SPINK4: variants seen among roughly 807,000 people sequenced by gnomAD.
SPINK4 encodes the protein serine protease inhibitor Kazal-type 4.
A neutral mutation model predicts 12.3 loss-of-function variants in SPINK4; 10 were observed. The observed-to-expected ratio is 0.81, with a 90% CI of 0.50 to 1.37. The LOEUF (loss-of-function observed/expected upper bound fraction) is 1.37. SPINK4 is among the 40% of genes most tolerant of loss of function. The probability of loss-of-function intolerance (pLI) is 0.00; values close to 1 mark genes in which losing one functional copy is unlikely to be tolerated. For missense variants in SPINK4, 91 were observed against 109.0 expected (o/e 0.84, Z 0.73); for synonymous variants, 37 against 40.2 (o/e 0.92, Z 0.30).
intron 1 of SPINK4, among the ~76,000 whole-genome samples, chr9:33,240,857 T>A (rs1243061437): frequency 6.6e-6 from 1 of 152,084 alleles, no homozygotes; most frequent in Non-Finnish European, 1.5e-5. Flanking sequence ...TTAAGACAGA[T>A]TAGTGACCCA....
intron 2 of SPINK4, among the ~76,000 whole-genome samples, chr9:33,245,582 C>T (rs372467937): frequency 6.6e-6 from 1 of 152,188 alleles, no homozygotes; most frequent in Admixed American, 6.5e-5. Context: ...TGTCTAAACA[C>T]CAAGTTGTCC....
chr9:33,240,308 T>C, intron 1 of SPINK4, 39 bp downstream of exon 1: 1 of 1,561,022 alleles, frequency 6.4e-7, no homozygotes, highest in Non-Finnish European at 8.7e-7. Flanking sequence ...GGCTTTGTGT[T>C]GGTAGGTGAG....
chr9:33,240,383 T>C (rs980007755), intron 1 of SPINK4, 114 bp downstream of exon 1: 2 of 919,576 alleles, frequency 2.2e-6, no homozygotes, highest in Non-Finnish European at 3.2e-6. Flanking sequence ...TCCATGTACC[T>C]TCATTCTGCA....
intron 1 of SPINK4, among the ~76,000 whole-genome samples, chr9:33,243,094 G>A (rs830569): frequency 6.6e-6 from 1 of 151,512 alleles, no homozygotes; most frequent in African/African-American, 2.4e-5. Flanking sequence ...TTATTTTTGA[G>A]ACGGAGTTTT....
intron 3 of SPINK4, 106 bp from the exon 4 acceptor site, chr9:33,248,320 T>G: frequency 4.3e-6 from 5 of 1,163,376 alleles, no homozygotes; most frequent in Non-Finnish European, 6.3e-6. Context: ...ACACTGCATA[T>G]GTGGGCGACG....
At chr9:33,241,276 C>T (rs1001580543) in intron 1 of SPINK4, among the ~76,000 whole-genome samples, 2 of 152,110 alleles carry the variant, frequency 1.3e-5, no homozygotes, top group Non-Finnish European at 2.9e-5. Context: ...TGGAACTGTA[C>T]CGGGAAAGAC....
chr9:33,245,873 CTG>C (rs938207933), intron 2 of SPINK4, among the ~76,000 whole-genome samples: 3 of 152,210 alleles, frequency 2.0e-5, no homozygotes, highest in African/African-American at 7.2e-5. Flanking sequence ...GATGAGGAAA[CTG>C]AGACTCAGAG....
At chr9:33,244,700 G>A (rs1290099909) in intron 1 of SPINK4, among the ~76,000 whole-genome samples, 1 of 152,162 alleles carries the variant, frequency 6.6e-6, no homozygotes, top group Non-Finnish European at 1.5e-5. Context: ...GGCTCTTGAT[G>A]GCAGAACACA....
At chr9:33,245,598 T>G (rs2117881876) in intron 2 of SPINK4, among the ~76,000 whole-genome samples, 1 of 152,296 alleles carries the variant, frequency 6.6e-6, no homozygotes, top group Middle Eastern at 3.4e-3. Flanking sequence ...TGTCCCCGAA[T>G]CCTGATTCCA....
rs769624804 is a variant in SPINK4 at position 33,240,270 on chromosome 9, G to T, written c.61+1G>T. 4 of 1,600,782 alleles carry T rather than the reference G, an allele frequency of 2.5e-6. No individual in the cohort carries two copies. Among genetic ancestry groups the T allele is most frequent in the Admixed American group, 1.7e-5 (1 of 58,412 alleles). ...GCTGCCCTCCTTGTTGTGGACAGGG[G>T]TGAGTGGGCAGAACCTGGATTCTCT... On this transcript the variant is annotated splice_donor_variant, in intron 1 of 3. Transcript: ENST00000379721. LOFTEE classifies it high-confidence loss of function.
chr9:33,242,658 C>T (rs770003957), intron 1 of SPINK4, among the ~76,000 whole-genome samples: 8 of 152,168 alleles, frequency 5.3e-5, no homozygotes, highest in Non-Finnish European at 1.2e-4. Context: ...TTTTTAAATG[C>T]TTTTCTTTTC....
chr9:33,247,172 T>TTG (rs1306764984), intron 3 of SPINK4, among the ~76,000 whole-genome samples: 1 of 150,926 alleles, frequency 6.6e-6, no homozygotes, highest in Non-Finnish European at 1.5e-5. Context: ...TTTTTTTTTT[T>TTG]TTTTTTGAGA....
intron 2 of SPINK4, among the ~76,000 whole-genome samples, chr9:33,245,969 G>T (rs57862396): frequency 0.016 from 2,408 of 152,228 alleles, 29 homozygotes; most frequent in Non-Finnish European, 0.025. Context: ...CGGTTGCACC[G>T]CACAACCTTT....
intron 2 of SPINK4, among the ~76,000 whole-genome samples, chr9:33,246,323 CAT>C (rs1436656373): frequency 1.3e-5 from 2 of 152,102 alleles, no homozygotes; most frequent in Non-Finnish European, 2.9e-5. Flanking sequence ...ACTCCACACA[CAT>C]AGACATAAAC....
At chr9:33,244,916 C>T (rs1820271174) in intron 1 of SPINK4, among the ~76,000 whole-genome samples, 196 bp from the exon 2 acceptor site, 1 of 152,160 alleles carries the variant, frequency 6.6e-6, no homozygotes, top group South Asian at 2.1e-4. Context: ...TTTTGAATTT[C>T]TGTCTCTGTT....
intron 1 of SPINK4, among the ~76,000 whole-genome samples, chr9:33,241,854 T>A (rs1486308872): frequency 6.6e-6 from 1 of 151,914 alleles, no homozygotes; most frequent in African/African-American, 2.4e-5. Context: ...CTCCTCCCAA[T>A]ACACTTTAAT....
intron 2 of SPINK4, among the ~76,000 whole-genome samples, chr9:33,246,275 G>C (rs1019089926): frequency 6.6e-6 from 1 of 152,170 alleles, no homozygotes; most frequent in South Asian, 2.1e-4. Flanking sequence ...TCTGAAGAGG[G>C]TGTGAACAAG....
chr9:33,245,012 A>G, intron 1 of SPINK4, 100 bp from the exon 2 acceptor site: 8 of 1,122,090 alleles, frequency 7.1e-6, no homozygotes, highest in Non-Finnish European at 1.0e-5. Context: ...CAGGTTGGGT[A>G]GTTGCTGGAC....
intron 3 of SPINK4, chr9:33,248,194 G>T (rs12336387): frequency 0.013 from 7,008 of 557,524 alleles, 346 homozygotes; most frequent in African/African-American, 0.12. Context: ...AGCCATCAGC[G>T]TGCGCTGGTG....
Sources: gnomAD v4.1 joint callset for allele counts (sites outside exome capture counted in the v4.1 genomes callset) on GRCh38, gnomAD v4.1.1 for gene constraint, MANE v1.5 for transcripts, NCBI Gene and HGNC (gene_info 2026-07-23, HGNC 2026-07-21) for gene names.